Variants in GRM5 observed in about 807,000 individuals in gnomAD.
The protein encoded by GRM5 is metabotropic glutamate receptor 5.
A neutral mutation model predicts 83.1 loss-of-function variants in GRM5; 19 were observed. That is an observed-to-expected ratio of 0.23 (90% CI 0.16 to 0.34). The LOEUF (loss-of-function observed/expected upper bound fraction) is 0.34. Ranked by LOEUF, GRM5 falls within the 10% of genes least tolerant of loss-of-function variation. The pLI, the probability that GRM5 is intolerant of heterozygous loss-of-function variation, is 1.00. For synonymous variants in GRM5, 675 were observed against 633.6 expected (o/e 1.07, Z -0.98); for missense variants, 1,160 against 1,588.3 (o/e 0.73, Z 4.58).
chr11:88,720,194 G>A (rs1251744334), intron 3 of GRM5, among the ~76,000 whole-genome samples: 2 of 152,052 alleles, frequency 1.3e-5, no homozygotes, highest in Non-Finnish European at 2.9e-5. Flanking sequence ...ATGGAAGACA[G>A]GAAAAATGGA....
At chr11:88,643,873 C>T (rs1939366015) in intron 4 of GRM5, among the ~76,000 whole-genome samples, 1 of 152,120 alleles carries the variant, frequency 6.6e-6, no homozygotes, top group Non-Finnish European at 1.5e-5. Flanking sequence ...TGGCAGAAGA[C>T]AACATTCTGA....
chr11:88,518,659 G>A (rs1941591764), intron 9 of GRM5, among the ~76,000 whole-genome samples: 1 of 151,956 alleles, frequency 6.6e-6, no homozygotes. Flanking sequence ...TAGCCATACT[G>A]TCATCCCTGC....
chr11:88,638,300 TATA>T (rs547735906), intron 4 of GRM5, among the ~76,000 whole-genome samples: 32 of 152,128 alleles, frequency 2.1e-4, no homozygotes, highest in African/African-American at 6.7e-4. Context: ...AAACTTGAAG[TATA>T]ATAATAATAA....
chr11:88,965,461 A>G lies in GRM5; in HGVS notation c.661+81751T>C, dbSNP rs181436748. The stretch of plus-strand genomic sequence containing the variant: ...CCTACCTCCAAATACCATTACATTG[A>G]GATTAGGATTTCAACATATTAATTT... On this transcript the variant is annotated intron_variant, in intron 2 of 9. Transcript: ENST00000305447. 3.4e-3 allele frequency among the ~76,000 whole-genome samples: 523 copies of G among 152,246 alleles called. 1 individual carries two copies. Among genetic ancestry groups the G allele is most frequent in the Non-Finnish European group, 5.6e-3 (383 of 68,004 alleles).
chr11:88,987,791 C>T (rs1024819761), intron 2 of GRM5, among the ~76,000 whole-genome samples: 1 of 151,686 alleles, frequency 6.6e-6, no homozygotes, highest in African/African-American at 2.4e-5. Context: ...AGACCTGCAG[C>T]TGAGGGTCCT....
intron 6 of GRM5, among the ~76,000 whole-genome samples, chr11:88,591,433 C>T (rs1011504776): frequency 7.9e-5 from 12 of 152,132 alleles, no homozygotes; most frequent in African/African-American, 2.9e-4. Context: ...AATAATTTAA[C>T]AGTTGAAAGA....
intron 8 of GRM5, among the ~76,000 whole-genome samples, chr11:88,538,098 G>GAA (rs749412993): frequency 1.6e-3 from 205 of 125,788 alleles, no homozygotes; most frequent in African/African-American, 5.2e-3. Context: ...ATAGAAAACA[G>GAA]AAAAAAAAAA....
intron 2 of GRM5, among the ~76,000 whole-genome samples, chr11:88,863,302 C>T (rs1466101721): frequency 6.6e-6 from 1 of 151,886 alleles, no homozygotes; most frequent in Non-Finnish European, 1.5e-5. Flanking sequence ...TATAAATATA[C>T]AAGCATGTGT....
chr11:88,936,038 T>C (rs1156610485), intron 2 of GRM5, among the ~76,000 whole-genome samples: 6 of 151,894 alleles, frequency 4.0e-5, no homozygotes, highest in Non-Finnish European at 8.8e-5. Context: ...TTCATTTTTC[T>C]AATTATTAAT....
intron 3 of GRM5, among the ~76,000 whole-genome samples, chr11:88,661,899 T>G (rs970715261): frequency 6.6e-6 from 1 of 152,014 alleles, no homozygotes; most frequent in Non-Finnish European, 1.5e-5. Context: ...ATGAATTAAT[T>G]CCAAAAAGAA....
intron 2 of GRM5, among the ~76,000 whole-genome samples, chr11:88,915,342 T>C (rs1945571097): frequency 6.6e-6 from 1 of 152,108 alleles, no homozygotes. Flanking sequence ...TGTTGTTGAA[T>C]TGTAAGACTT....
At chr11:88,593,688 C>CA (rs1937709190) in intron 6 of GRM5, among the ~76,000 whole-genome samples, 1 of 127,790 alleles carries the variant, frequency 7.8e-6, no homozygotes, top group African/African-American at 2.9e-5. Context: ...AAAAAAAAAA[C>CA]AAAAAATTCT....
At chr11:88,873,258 T>C (rs983097938) in intron 2 of GRM5, among the ~76,000 whole-genome samples, 2 of 151,628 alleles carry the variant, frequency 1.3e-5, no homozygotes. Flanking sequence ...AGTACAATAA[T>C]AGCGGTGGGT....
chr11:88,909,926 C>A (rs542437098), intron 2 of GRM5, among the ~76,000 whole-genome samples: 1 of 152,036 alleles, frequency 6.6e-6, no homozygotes, highest in Non-Finnish European at 1.5e-5. Flanking sequence ...TGGTAAAATA[C>A]ATATAATCAA....
intron 2 of GRM5, among the ~76,000 whole-genome samples, chr11:89,029,692 A>G (rs952423496): frequency 2.6e-5 from 4 of 152,156 alleles, no homozygotes; most frequent in Non-Finnish European, 4.4e-5. Context: ...TACAGGAGTC[A>G]TTGTGGTTGT....
intron 2 of GRM5, among the ~76,000 whole-genome samples, chr11:88,964,605 T>G (rs1440661013): frequency 6.6e-6 from 1 of 152,052 alleles, no homozygotes; most frequent in Admixed American, 6.6e-5. Context: ...TTTTCCAAAA[T>G]TATTGACTGA....
At chr11:88,802,027 T>A (rs1484932372) in intron 3 of GRM5, among the ~76,000 whole-genome samples, 1 of 151,974 alleles carries the variant, frequency 6.6e-6, no homozygotes, top group Non-Finnish European at 1.5e-5. Flanking sequence ...GGGAGGGAAA[T>A]GTGGAGAAAT....
chr11:88,885,624 A>C (rs762327694), intron 2 of GRM5, among the ~76,000 whole-genome samples: 6 of 151,942 alleles, frequency 3.9e-5, no homozygotes, highest in Non-Finnish European at 8.8e-5. Context: ...TCCACAGATA[A>C]CCTGCCTTTA....
chr11:88,671,353 T>C (rs1022744976), intron 3 of GRM5, among the ~76,000 whole-genome samples: 6 of 152,124 alleles, frequency 3.9e-5, no homozygotes, highest in Admixed American at 3.9e-4. Context: ...ACTCTTAGTC[T>C]GTAAGAGAAA....
Sources: allele counts gnomAD v4.1 joint callset (sites outside exome capture counted in the v4.1 genomes callset), GRCh38; gene constraint gnomAD v4.1.1; transcripts MANE v1.5; gene names NCBI Gene and HGNC (gene_info 2026-07-23, HGNC 2026-07-21).